RIN2: variants seen among roughly 807,000 people sequenced by gnomAD.
RIN2 encodes the protein RAB5 interacting protein 2.
In RIN2, 36 loss-of-function variants were observed where a neutral mutation model predicts 78.0. The ratio of observed to expected loss-of-function variants is 0.46; its 90% CI spans 0.35 to 0.61. The LOEUF is 0.61. RIN2 is among the 20% of genes least tolerant of loss of function. The pLI, the probability that RIN2 is intolerant of heterozygous loss-of-function variation, is 0.00. For synonymous variants in RIN2, 466 were observed against 466.8 expected (o/e 1.00, Z 0.02); for missense variants, 1,087 against 1,159.7 (o/e 0.94, Z 0.91).
intron 2 of RIN2, among the ~76,000 whole-genome samples, chr20:19,830,837 G>A (rs1382157840): frequency 6.6e-6 from 1 of 152,168 alleles, no homozygotes; most frequent in East Asian, 1.9e-4. Flanking sequence ...CCATGCCCAG[G>A]GATACCCACA....
Position 19,975,468 on chromosome 20 carries a change from G to T in RIN2, c.1443G>T (p.Lys481Asn). 1 of 1,614,054 alleles carries T rather than the reference G, an allele frequency of 6.2e-7. No individual in the cohort carries two copies. The highest frequency in any genetic ancestry group is 8.5e-7 in the Non-Finnish European group (1 of 1,179,896). Reference sequence around the variant, plus strand: ...TGGCGCCCCCCATCAAGTCCAAAAAGAAAAGGAGCAGCTCCTTCGTGCTGC... The same window carrying T: ...TGGCGCCCCCCATCAAGTCCAAAAATAAAAGGAGCAGCTCCTTCGTGCTGC... ...ETMAPPIKSK[K>N]KRSSSFVLPK... The change falls in exon 9 of 13, where the codon AAG becomes AAT. Residue 481 changes from lysine to asparagine, a missense_variant. This residue lies in a region of RIN2 where 706 missense variants were observed against 667.5 expected (regional missense o/e 1.06). Transcript: ENST00000255006. The surrounding 1 kb of genome is among the most constrained non-coding windows in gnomAD (Gnocchi z 4.9).
intron 2 of RIN2, chr20:19,886,834 G>A: frequency 9.2e-7 from 1 of 1,091,072 alleles, no homozygotes; most frequent in Non-Finnish European, 1.3e-6. Flanking sequence ...TTAGGATGAA[G>A]CTGCTGGGGT....
chr20:19,949,687 C>T (rs890399852), intron 4 of RIN2, among the ~76,000 whole-genome samples: 1 of 152,196 alleles, frequency 6.6e-6, no homozygotes, highest in Non-Finnish European at 1.5e-5. Context: ...GGGGATGCAG[C>T]TCGCGGGAGC....
At chr20:19,805,897 G>A (rs1429974085) in intron 2 of RIN2, among the ~76,000 whole-genome samples, 1 of 152,076 alleles carries the variant, frequency 6.6e-6, no homozygotes, top group Non-Finnish European at 1.5e-5. Flanking sequence ...GCCACAGTGT[G>A]TGATGCTCCC....
intron 1 of RIN2, among the ~76,000 whole-genome samples, chr20:19,796,318 A>G (rs959077266): frequency 6.6e-6 from 1 of 152,216 alleles, no homozygotes; most frequent in African/African-American, 2.4e-5. Flanking sequence ...TATCAAGGAT[A>G]ACATTTACTA....
At chr20:19,889,522 T>G in intron 2 of RIN2, 44 bp from the exon 3 acceptor site, 1 of 1,514,084 alleles carries the variant, frequency 6.6e-7, no homozygotes, top group South Asian at 1.2e-5. Flanking sequence ...AGAAAGGAAT[T>G]TCCTACAGGC....
At chr20:19,846,214 C>CT (rs1308101543) in intron 2 of RIN2, among the ~76,000 whole-genome samples, 1 of 152,092 alleles carries the variant, frequency 6.6e-6, no homozygotes, top group East Asian at 1.9e-4. Flanking sequence ...TATACGGGCT[C>CT]TTTTTTGGTT....
chr20:19,943,825 G>T (rs1381742774), intron 4 of RIN2, among the ~76,000 whole-genome samples: 1 of 152,042 alleles, frequency 6.6e-6, no homozygotes, highest in Non-Finnish European at 1.5e-5. Flanking sequence ...GTGGGTAAAA[G>T]GTTTCTTCTG....
intron 2 of RIN2, among the ~76,000 whole-genome samples, chr20:19,811,528 T>C (rs1436353443): frequency 6.6e-6 from 1 of 151,938 alleles, no homozygotes; most frequent in African/African-American, 2.4e-5. Context: ...GAACAGTGGG[T>C]GTGGAGGGGA....
intron 2 of RIN2, among the ~76,000 whole-genome samples, chr20:19,870,822 A>G (rs4813377): frequency 0.83 from 125,999 of 152,108 alleles, 52,355 homozygotes; most frequent in East Asian, 0.94. Context: ...AATATCCTCT[A>G]ACTGATGCTG....
chr20:19,766,741 T>C (rs576513205), intron 1 of RIN2, among the ~76,000 whole-genome samples: 19 of 151,896 alleles, frequency 1.3e-4, no homozygotes, highest in African/African-American at 4.6e-4. Flanking sequence ...GCCAATATGG[T>C]GAAACCCCAT....
At chr20:19,851,598 C>T (rs188339584) in intron 2 of RIN2, among the ~76,000 whole-genome samples, 4 of 152,160 alleles carry the variant, frequency 2.6e-5, no homozygotes, top group African/African-American at 7.2e-5. Context: ...TGGTGTGTGC[C>T]GGTGGTCCCA....
intron 2 of RIN2, among the ~76,000 whole-genome samples, chr20:19,802,132 A>G (rs1004459773): frequency 6.6e-6 from 1 of 152,196 alleles, no homozygotes; most frequent in Non-Finnish European, 1.5e-5. Context: ...TTTAATCATC[A>G]CGACAGCCCT....
Position 19,976,967 on chromosome 20 carries a change from G to A in RIN2, c.1762+1180G>A, listed in dbSNP as rs550168686. On this transcript the variant is annotated intron_variant, in intron 9 of 12. Transcript: ENST00000255006. ...GACTGAGGCCAGGCCTGGTTGATCA[G>A]GGCGTGGTTAAAGCTGGGGTGTTGC... Among the ~76,000 whole-genome samples, 7 of 152,280 alleles carry A rather than the reference G, an allele frequency of 4.6e-5. No individual in the cohort carries two copies. The South Asian group carries it at 1.0e-3, about 23-fold the overall frequency.
At chr20:19,947,087 T>A (rs1482022830) in intron 4 of RIN2, among the ~76,000 whole-genome samples, 1 of 151,090 alleles carries the variant, frequency 6.6e-6, no homozygotes, top group Admixed American at 6.6e-5. Context: ...TGAATACATA[T>A]AACCATTAAA....
chr20:19,987,630 G>A (rs1431330417), intron 9 of RIN2, among the ~76,000 whole-genome samples: 3 of 152,074 alleles, frequency 2.0e-5, no homozygotes, highest in Admixed American at 1.3e-4. Context: ...ATGGAGGCTG[G>A]CCCATCTGAG....
At chr20:19,878,158 A>G (rs1458192105) in intron 2 of RIN2, among the ~76,000 whole-genome samples, 1 of 152,122 alleles carries the variant, frequency 6.6e-6, no homozygotes, top group Non-Finnish European at 1.5e-5. Context: ...TGGAAGGAGA[A>G]GTTTTTGGAG....
In RIN2 at chr20:19,956,032, G is replaced by A. The variant is rs549406546; in HGVS notation, c.159-583G>A. On this transcript the variant is annotated intron_variant, in intron 4 of 12. Transcript: ENST00000255006. ...AGCACTTTGGAATGCCGAGGTAGGC[G>A]GATCACCTGAGGTCAAGAGTTCAAG... is the stretch of plus-strand genomic sequence containing the variant. Among the ~76,000 whole-genome samples, 58 of 152,060 alleles carry A rather than the reference G, an allele frequency of 3.8e-4. No individual in the cohort carries two copies. The South Asian group carries it at 8.9e-3, about 23-fold the overall frequency.
At chr20:19,835,278 C>T (rs967704218) in intron 2 of RIN2, among the ~76,000 whole-genome samples, 31 of 152,172 alleles carry the variant, frequency 2.0e-4, no homozygotes, top group African/African-American at 7.5e-4. Flanking sequence ...TGTTTATATA[C>T]ATATACATAT....
Sources: allele counts gnomAD v4.1 joint callset (sites outside exome capture counted in the v4.1 genomes callset), GRCh38; gene constraint gnomAD v4.1.1; regional missense constraint gnomAD v4.1.1; non-coding constraint Gnocchi (gnomAD v3.1); transcripts MANE v1.5; gene names NCBI Gene and HGNC (gene_info 2026-07-23, HGNC 2026-07-21).